TENM3: variants seen among roughly 807,000 people sequenced by gnomAD.
The protein encoded by TENM3 is teneurin transmembrane protein 3, also known as teneurin-3.
Under a neutral mutation model 255.1 loss-of-function variants are expected in TENM3, and 63 were observed. That is an observed-to-expected ratio of 0.25 (90% CI 0.20 to 0.30). The LOEUF (loss-of-function observed/expected upper bound fraction) is 0.30. Ranked by LOEUF, TENM3 falls within the 10% of genes least tolerant of loss-of-function variation. The pLI is 1.00. For synonymous variants in TENM3, 1,306 were observed against 1,322.3 expected, an observed-to-expected ratio of 0.99 and a Z score of 0.27; for missense variants, 2,929 against 3,461.1, an observed-to-expected ratio of 0.85 and a Z score of 3.86.
chr4:182,344,968 C>A (rs1456404256), intron 2 of TENM3, among the ~76,000 whole-genome samples: 1 of 152,196 alleles, frequency 6.6e-6, no homozygotes, highest in Non-Finnish European at 1.5e-5. Flanking sequence ...AGCTTGCCTG[C>A]CTTCTCACTG....
intron 1 of TENM3, among the ~76,000 whole-genome samples, chr4:182,232,907 AT>A (rs528562024): frequency 1.3e-5 from 2 of 152,148 alleles, no homozygotes; most frequent in African/African-American, 2.4e-5. Flanking sequence ...ATAGCATGAG[AT>A]TTCATCACAC....
At chr4:182,583,752 A>T (rs2152367028) in intron 3 of TENM3, among the ~76,000 whole-genome samples, 1 of 152,268 alleles carries the variant, frequency 6.6e-6, no homozygotes, top group East Asian at 1.9e-4. Context: ...ATTATATTTT[A>T]AAAATAAAAT....
chr4:181,903,202 C>T, the TENM3 span, among the ~76,000 whole-genome samples: 1 of 146,300 alleles, frequency 6.8e-6, no homozygotes, highest in Non-Finnish European at 1.5e-5. Flanking sequence ...TACTTAATTT[C>T]TGATTTAAAA....
At chr4:182,240,316 C>T (rs763930326), upstream of TENM3, among the ~76,000 whole-genome samples, 1 of 152,030 alleles carries the variant, frequency 6.6e-6, no homozygotes, top group South Asian at 2.1e-4. Context: ...CAGAAGTGAC[C>T]CAGCAAGTAG....
At chr4:182,423,751 T>A (rs1320173684) in intron 3 of TENM3, among the ~76,000 whole-genome samples, 1 of 152,204 alleles carries the variant, frequency 6.6e-6, no homozygotes, top group Non-Finnish European at 1.5e-5. Context: ...TTTTGGCAGT[T>A]GTTAATAAGC....
At chr4:182,307,026 T>C (rs7434406) in intron 1 of TENM3, among the ~76,000 whole-genome samples, 1 of 152,346 alleles carries the variant, frequency 6.6e-6, no homozygotes, top group Non-Finnish European at 1.5e-5. Flanking sequence ...TACTACCACA[T>C]ACTGTAGAAA....
the TENM3 span, among the ~76,000 whole-genome samples, chr4:181,674,549 T>G: frequency 6.6e-6 from 1 of 152,148 alleles, no homozygotes; most frequent in African/African-American, 2.4e-5. Context: ...AAGAAGGTAA[T>G]TCAGCAAGCA....
chr4:182,082,402 A>G, the TENM3 span, among the ~76,000 whole-genome samples: 3 of 152,188 alleles, frequency 2.0e-5, no homozygotes, highest in Non-Finnish European at 4.4e-5. Context: ...TCTACATATG[A>G]ATTTTCAGGG....
At chr4:181,680,220 G>C in the TENM3 span, among the ~76,000 whole-genome samples, 4 of 152,036 alleles carry the variant, frequency 2.6e-5, no homozygotes, top group African/African-American at 9.7e-5. Flanking sequence ...ATAAACTAAT[G>C]CTTTAATACT....
the TENM3 span, among the ~76,000 whole-genome samples, chr4:181,560,865 G>A: frequency 1.3e-5 from 2 of 152,184 alleles, no homozygotes; most frequent in Non-Finnish European, 2.9e-5. Flanking sequence ...TCAAACAGGA[G>A]GGCATGGCTC....
intron 3 of TENM3, among the ~76,000 whole-genome samples, chr4:182,458,584 T>C (rs779161230): frequency 3.0e-4 from 45 of 152,324 alleles, no homozygotes; most frequent in South Asian, 2.1e-3. Flanking sequence ...AGAAGTTCTG[T>C]AGAGTTTCTT....
chr4:181,581,524 A>T, the TENM3 span, among the ~76,000 whole-genome samples: 1 of 152,150 alleles, frequency 6.6e-6, no homozygotes, highest in African/African-American at 2.4e-5. Context: ...TGCATTTAGC[A>T]GTCTTTTGTA....
chr4:182,280,047 A>C (rs1209785404), intron 1 of TENM3, among the ~76,000 whole-genome samples: 1 of 152,094 alleles, frequency 6.6e-6, no homozygotes, highest in Non-Finnish European at 1.5e-5. Flanking sequence ...TTTCCTGAAC[A>C]TTTTCTCAGA....
the TENM3 span, among the ~76,000 whole-genome samples, chr4:181,556,023 A>G: frequency 6.6e-6 from 1 of 152,154 alleles, no homozygotes. Context: ...AGGTCAAAAA[A>G]TATTTTCCAG....
chr4:182,713,555 G>A (rs750101846), intron 12 of TENM3, among the ~76,000 whole-genome samples: 2 of 152,150 alleles, frequency 1.3e-5, no homozygotes, highest in Non-Finnish European at 2.9e-5. Flanking sequence ...ATGAATGTAC[G>A]GCAACTCCGA....
chr4:182,173,205 G>A (rs973803187), intron 1 of TENM3, among the ~76,000 whole-genome samples: 3 of 152,116 alleles, frequency 2.0e-5, no homozygotes, highest in African/African-American at 7.2e-5. Context: ...ACACACATAA[G>A]GGTTCAGCAC....
the TENM3 span, among the ~76,000 whole-genome samples, chr4:182,088,194 AT>A: frequency 6.6e-6 from 1 of 152,232 alleles, no homozygotes; most frequent in Non-Finnish European, 1.5e-5. Context: ...TAGATATTGA[AT>A]ACTTTAAATC....
chr4:182,593,825 G>T (rs1379822667), intron 3 of TENM3, among the ~76,000 whole-genome samples: 1 of 152,076 alleles, frequency 6.6e-6, no homozygotes, highest in Non-Finnish European at 1.5e-5. Flanking sequence ...CTCACAGCAG[G>T]TATTATTTTC....
At chr4:181,465,591 C>A in the TENM3 span, among the ~76,000 whole-genome samples, 4 of 152,138 alleles carry the variant, frequency 2.6e-5, no homozygotes, top group Non-Finnish European at 4.4e-5. Flanking sequence ...ATATTTATTT[C>A]TTAGCGGAAT....
Sources: gnomAD v4.1 joint callset for allele counts (sites outside exome capture counted in the v4.1 genomes callset) on GRCh38, gnomAD v4.1.1 for gene constraint, MANE v1.5 for transcripts, NCBI Gene and HGNC (gene_info 2026-07-23, HGNC 2026-07-21) for gene names.